Variants in ENTREP2 observed in about 807,000 individuals in gnomAD.
ENTREP2 encodes endosomal transmembrane epsin interactor 2.
the ENTREP2 span, among the ~76,000 whole-genome samples, chr15:29,489,776 A>G: frequency 2.6e-5 from 4 of 152,174 alleles, no homozygotes; most frequent in Admixed American, 2.6e-4. Context: ...CCACAAAGCT[A>G]GGCACATTTG....
chr15:29,331,536 G>T, the ENTREP2 span, among the ~76,000 whole-genome samples: 2 of 152,176 alleles, frequency 1.3e-5, no homozygotes, highest in African/African-American at 4.8e-5. Context: ...TCGAGCAGGA[G>T]GGACTCATCT....
chr15:29,156,672 G>A, the ENTREP2 span, among the ~76,000 whole-genome samples: 2 of 152,296 alleles, frequency 1.3e-5, no homozygotes, highest in Middle Eastern at 6.8e-3. Context: ...GTCTGAGGGT[G>A]ACTCTGAAGT....
chr15:29,451,915 A>G, the ENTREP2 span, among the ~76,000 whole-genome samples: 1 of 152,234 alleles, frequency 6.6e-6, no homozygotes, highest in Non-Finnish European at 1.5e-5. Context: ...TATTTATTGT[A>G]TTTTAATATC....
At chr15:29,480,410 G>T in the ENTREP2 span, among the ~76,000 whole-genome samples, 3 of 146,476 alleles carry the variant, frequency 2.0e-5, no homozygotes, top group African/African-American at 7.6e-5. Context: ...CCAGTCCTAA[G>T]GAGATAGCTT....
chr15:29,638,116 G>A, the ENTREP2 span, among the ~76,000 whole-genome samples: 13 of 152,238 alleles, frequency 8.5e-5, no homozygotes, highest in African/African-American at 2.9e-4. Context: ...CTTTCTGCAA[G>A]GAAGGAAGGG....
the ENTREP2 span, among the ~76,000 whole-genome samples, chr15:29,136,109 G>A: frequency 2.2e-4 from 33 of 152,328 alleles, no homozygotes; most frequent in South Asian, 6.2e-4. Context: ...CCGGGCTGGC[G>A]TCTCTGCAGG....
the ENTREP2 span, among the ~76,000 whole-genome samples, chr15:29,592,447 A>C: frequency 6.6e-6 from 1 of 152,188 alleles, no homozygotes; most frequent in Non-Finnish European, 1.5e-5. Context: ...CCTTCTTACC[A>C]TGTCATCCTA....
At chr15:29,294,254 T>G in the ENTREP2 span, among the ~76,000 whole-genome samples, 4 of 152,196 alleles carry the variant, frequency 2.6e-5, no homozygotes, top group Non-Finnish European at 5.9e-5. Flanking sequence ...TGAAAGGTTC[T>G]GGAAATTCAA....
the ENTREP2 span, among the ~76,000 whole-genome samples, chr15:29,451,798 C>CT: frequency 6.6e-6 from 1 of 152,236 alleles, no homozygotes; most frequent in Non-Finnish European, 1.5e-5. Flanking sequence ...CCTGCAAGTC[C>CT]TGCTCACTGG....
At chr15:29,277,112 G>A in the ENTREP2 span, among the ~76,000 whole-genome samples, 6 of 152,132 alleles carry the variant, frequency 3.9e-5, no homozygotes, top group Admixed American at 2.6e-4. Context: ...GGGAGGCCGG[G>A]GCAGGCAGAT....
At chr15:29,130,510 A>T in the ENTREP2 span, among the ~76,000 whole-genome samples, 1 of 152,286 alleles carries the variant, frequency 6.6e-6, no homozygotes, top group South Asian at 2.1e-4. Flanking sequence ...ACGGGTGGTT[A>T]ACTTAGAACT....
At chr15:29,489,777 G>A in the ENTREP2 span, among the ~76,000 whole-genome samples, 3 of 152,130 alleles carry the variant, frequency 2.0e-5, no homozygotes, top group Admixed American at 2.0e-4. Flanking sequence ...CACAAAGCTA[G>A]GCACATTTGC....
At chr15:29,240,279 G>A in the ENTREP2 span, among the ~76,000 whole-genome samples, 100 of 151,936 alleles carry the variant, frequency 6.6e-4, no homozygotes, top group East Asian at 9.1e-3. Context: ...CAGGAGAATC[G>A]CTTGAACCCG....
the ENTREP2 span, among the ~76,000 whole-genome samples, chr15:29,660,318 T>C: frequency 1.3e-5 from 2 of 152,204 alleles, no homozygotes; most frequent in African/African-American, 4.8e-5. Context: ...TTTTTCTAAC[T>C]GAAATTAGGT....
chr15:29,529,049 A>C, the ENTREP2 span, among the ~76,000 whole-genome samples: 1 of 150,784 alleles, frequency 6.6e-6, no homozygotes, highest in Non-Finnish European at 1.5e-5. Context: ...CACTGTGGCT[A>C]GTCCAGAGAT....
chr15:29,340,251 G>A, the ENTREP2 span, among the ~76,000 whole-genome samples: 3 of 152,198 alleles, frequency 2.0e-5, no homozygotes, highest in African/African-American at 7.2e-5. Context: ...GTAGTGGCAT[G>A]AAGAAATGCC....
chr15:29,516,005 A>G, the ENTREP2 span, among the ~76,000 whole-genome samples: 1 of 152,164 alleles, frequency 6.6e-6, no homozygotes, highest in African/African-American at 2.4e-5. Flanking sequence ...TTGAATAGCC[A>G]TGGGTGATCA....
At chr15:29,359,759 G>A in the ENTREP2 span, among the ~76,000 whole-genome samples, 2 of 152,180 alleles carry the variant, frequency 1.3e-5, no homozygotes, top group African/African-American at 4.8e-5. Flanking sequence ...AAACTAAAGA[G>A]CAAAACAAAT....
the ENTREP2 span, among the ~76,000 whole-genome samples, chr15:29,132,479 G>A: frequency 4.6e-5 from 7 of 152,194 alleles, no homozygotes; most frequent in African/African-American, 1.4e-4. Flanking sequence ...GCAGGCGGTC[G>A]TGCTGTGCCC....
Sources: allele counts gnomAD v4.1 joint callset (sites outside exome capture counted in the v4.1 genomes callset), GRCh38; gene constraint gnomAD v4.1.1; transcripts MANE v1.5; gene names NCBI Gene and HGNC (gene_info 2026-07-23, HGNC 2026-07-21).